CNTN4: variants seen among roughly 807,000 people sequenced by gnomAD.
The protein encoded by CNTN4 is contactin 4.
A neutral mutation model predicts 122.5 loss-of-function variants in CNTN4; 77 were observed. The ratio of observed to expected loss-of-function variants is 0.63; its 90% CI spans 0.52 to 0.76. The LOEUF (loss-of-function observed/expected upper bound fraction) is 0.76, where lower values mean the gene tolerates loss of function less well. Among genes scored for constraint, CNTN4 ranks in the 30% least tolerant of loss-of-function variants. The probability of loss-of-function intolerance (pLI) is 0.00; values close to 1 mark genes in which losing one functional copy is unlikely to be tolerated. For missense variants in CNTN4, 1,256 were observed against 1,259.1 expected (o/e 1.00, Z 0.04); for synonymous variants, 512 against 447.0 (o/e 1.15, Z -1.83).
chr3:2,699,674 C>T (rs935811037), intron 4 of CNTN4, among the ~76,000 whole-genome samples: 4 of 152,122 alleles, frequency 2.6e-5, no homozygotes, highest in Non-Finnish European at 4.4e-5. Flanking sequence ...CTTTTATTTA[C>T]TGGGTTTGGA....
intron 3 of CNTN4, among the ~76,000 whole-genome samples, chr3:2,460,602 T>C (rs889473691): frequency 2.0e-5 from 3 of 152,180 alleles, no homozygotes; most frequent in Non-Finnish European, 4.4e-5. Context: ...GGTGTTGACA[T>C]AGATGAAGAT....
intron 2 of CNTN4, among the ~76,000 whole-genome samples, chr3:2,287,786 A>T (rs572743912): frequency 6.6e-6 from 1 of 150,782 alleles, no homozygotes; most frequent in Admixed American, 6.6e-5. Flanking sequence ...AAGGAGAAGA[A>T]GAGGAGGAAG....
intron 2 of CNTN4, among the ~76,000 whole-genome samples, chr3:2,325,336 T>G (rs2043416617): frequency 6.6e-6 from 1 of 152,260 alleles, no homozygotes; most frequent in African/African-American, 2.4e-5. Context: ...TTTATGTTAA[T>G]ATGTAATAGA....
At position 3,037,341 on chromosome 3, in the gene CNTN4, C is replaced by T. The variant is rs368671155; in HGVS notation, c.2092+13C>T. On this transcript the variant is annotated intron_variant, in intron 18 of 24. Transcript: ENST00000418658. ...ACAGAAGAAGCTCGTGAGTAGCACCCGAGATTCAGATCATCTGTTCTGCCA... is the reference window on the plus strand; with the variant it reads ...ACAGAAGAAGCTCGTGAGTAGCACCTGAGATTCAGATCATCTGTTCTGCCA... The T allele has an allele frequency of 5.0e-6, 8 of 1,613,950 alleles. No homozygotes were observed. Among genetic ancestry groups the T allele is most frequent in the African/African-American group, 1.3e-5 (1 of 74,902 alleles).
intron 3 of CNTN4, among the ~76,000 whole-genome samples, chr3:2,539,000 A>G (rs1341809121): frequency 6.6e-6 from 1 of 151,780 alleles, no homozygotes; most frequent in Admixed American, 6.6e-5. Flanking sequence ...TGATGTAACT[A>G]CTCCCCATTA....
intron 2 of CNTN4, among the ~76,000 whole-genome samples, chr3:2,336,398 A>C (rs1373839717): frequency 6.6e-6 from 1 of 152,172 alleles, no homozygotes; most frequent in Non-Finnish European, 1.5e-5. Context: ...ATTATGATTC[A>C]TATTCATGAG....
At chr3:2,298,976 A>G (rs907367310) in intron 2 of CNTN4, among the ~76,000 whole-genome samples, 2 of 150,460 alleles carry the variant, frequency 1.3e-5, no homozygotes, top group Non-Finnish European at 3.0e-5. Flanking sequence ...TCTTTTAGCC[A>G]TTTCTTCAAA....
intron 3 of CNTN4, among the ~76,000 whole-genome samples, chr3:2,535,311 A>C (rs2077758878): frequency 6.6e-6 from 1 of 152,138 alleles, no homozygotes; most frequent in Non-Finnish European, 1.5e-5. Flanking sequence ...CTGATGCAAG[A>C]GTTCTGCTTT....
chr3:2,154,879 A>G (rs1276689191), intron 2 of CNTN4, among the ~76,000 whole-genome samples: 1 of 152,252 alleles, frequency 6.6e-6, no homozygotes, highest in Non-Finnish European at 1.5e-5. Context: ...TGAAATCACT[A>G]GAATCTCTAT....
At chr3:2,880,217 G>A (rs1014115624) in intron 8 of CNTN4, among the ~76,000 whole-genome samples, 4 of 152,178 alleles carry the variant, frequency 2.6e-5, no homozygotes, top group Non-Finnish European at 5.9e-5. Flanking sequence ...TAGACAGAGA[G>A]AGGCTGGGAA....
At chr3:2,812,300 T>C (rs1372319315) in intron 6 of CNTN4, among the ~76,000 whole-genome samples, 1 of 152,178 alleles carries the variant, frequency 6.6e-6, no homozygotes, top group Non-Finnish European at 1.5e-5. Context: ...CAAATATCAA[T>C]TTTACTGTTG....
chr3:2,940,512 T>G (rs2094604640), intron 13 of CNTN4, among the ~76,000 whole-genome samples: 1 of 152,170 alleles, frequency 6.6e-6, no homozygotes. Flanking sequence ...GTGACATATT[T>G]GTGGCAAGGA....
chr3:2,382,171 ATTT>A (rs60838071), intron 3 of CNTN4, among the ~76,000 whole-genome samples: 2 of 139,678 alleles, frequency 1.4e-5, no homozygotes, highest in Non-Finnish European at 1.6e-5. Flanking sequence ...TCCTATCGTG[ATTT>A]TTTTTTTTTT....
At chr3:2,158,560 C>T (rs766314478) in intron 2 of CNTN4, among the ~76,000 whole-genome samples, 4 of 152,282 alleles carry the variant, frequency 2.6e-5, no homozygotes, top group Non-Finnish European at 4.4e-5. Flanking sequence ...CTGAAAAGAA[C>T]GTAGACTAAA....
chr3:2,690,627 T>G (rs2728023), intron 4 of CNTN4, among the ~76,000 whole-genome samples: 1 of 151,378 alleles, frequency 6.6e-6, no homozygotes. Flanking sequence ...ACAAAGCTTG[T>G]CTGCCTTACC....
intron 3 of CNTN4, among the ~76,000 whole-genome samples, chr3:2,559,379 C>G (rs2078852108): frequency 6.6e-6 from 1 of 152,066 alleles, no homozygotes; most frequent in Non-Finnish European, 1.5e-5. Flanking sequence ...AAATTGGCCA[C>G]TTACAGGTCT....
At chr3:2,835,932 A>G (rs978259600) in intron 7 of CNTN4, among the ~76,000 whole-genome samples, 4 of 152,182 alleles carry the variant, frequency 2.6e-5, no homozygotes, top group Non-Finnish European at 4.4e-5. Flanking sequence ...AAAACAGTAT[A>G]TAGAGAGACA....
chr3:2,663,883 G>C (rs929840178), intron 4 of CNTN4, among the ~76,000 whole-genome samples: 3 of 152,136 alleles, frequency 2.0e-5, no homozygotes, highest in Admixed American at 6.5e-5. Flanking sequence ...CTAAGTAAAA[G>C]AGTCCTGTCC....
At chr3:2,705,485 G>A (rs191966282) in intron 4 of CNTN4, among the ~76,000 whole-genome samples, 4 of 1,108 alleles carry the variant, frequency 3.6e-3, no homozygotes, top group Admixed American at 6.8e-3. Context: ...ATATAAATAT[G>A]TATATAATAT....
Sources: allele counts gnomAD v4.1 joint callset (sites outside exome capture counted in the v4.1 genomes callset), GRCh38; gene constraint gnomAD v4.1.1; transcripts MANE v1.5; gene names NCBI Gene and HGNC (gene_info 2026-07-23, HGNC 2026-07-21).